Variants in VPS13B observed in about 807,000 individuals in gnomAD.
VPS13B encodes intermembrane lipid transfer protein VPS13B.
A neutral mutation model predicts 426.4 loss-of-function variants in VPS13B; 285 were observed. The ratio of observed to expected loss-of-function variants is 0.67; its 90% confidence interval spans 0.61 to 0.74. The LOEUF is 0.74. Among genes scored for constraint, VPS13B ranks in the 30% least tolerant of loss-of-function variants. The pLI is 0.00. For missense variants in VPS13B, 4,537 were observed against 4,782.6 expected (o/e 0.95, Z 1.51); for synonymous variants, 1,676 against 1,676.4 (o/e 1.00, Z 0.01).
At chr8:99,509,359 T>C (rs1821664899) in intron 28 of VPS13B, among the ~76,000 whole-genome samples, 3 of 152,220 alleles carry the variant, frequency 2.0e-5, no homozygotes, top group African/African-American at 7.2e-5. Context: ...CAGGCTATTA[T>C]TGGGAAAGAT....
At chr8:99,759,184 G>C (rs773795970) in intron 39 of VPS13B, among the ~76,000 whole-genome samples, 1 of 151,904 alleles carries the variant, frequency 6.6e-6, no homozygotes, top group Non-Finnish European at 1.5e-5. Context: ...ATATCTCTAG[G>C]AATCTTTTCC....
chr8:99,562,307 G>C (rs978734269), intron 31 of VPS13B, among the ~76,000 whole-genome samples: 1 of 149,494 alleles, frequency 6.7e-6, no homozygotes, highest in Non-Finnish European at 1.5e-5. Flanking sequence ...TTGAGACAGA[G>C]TCTTGCTTTG....
At chr8:99,476,982 G>A (rs1219682462) in intron 24 of VPS13B, among the ~76,000 whole-genome samples, 1 of 152,064 alleles carries the variant, frequency 6.6e-6, no homozygotes, top group Non-Finnish European at 1.5e-5. Context: ...TTATTTTCCA[G>A]TGAATTTGCT....
intron 33 of VPS13B, among the ~76,000 whole-genome samples, chr8:99,619,737 G>A (rs1380163627): frequency 2.0e-5 from 3 of 152,036 alleles, no homozygotes; most frequent in Non-Finnish European, 4.4e-5. Flanking sequence ...CGGGTGTGGT[G>A]GTGGATGCCT....
At chr8:99,083,051 G>C (rs1214201803) in intron 3 of VPS13B, among the ~76,000 whole-genome samples, 1 of 152,108 alleles carries the variant, frequency 6.6e-6, no homozygotes, top group African/African-American at 2.4e-5. Flanking sequence ...ATTACCTTGG[G>C]CAGTATGGCC....
At position 99,832,783 on chromosome 8, in the gene VPS13B, T is replaced by G. The variant is rs1815153666; in HGVS notation, c.9614+131T>G. 1.9e-5 allele frequency: 17 copies of G among 905,420 alleles called. No homozygotes were observed. The South Asian group carries it at 2.3e-4, about 12-fold the overall frequency. The allele number at this position is 905,420 out of a possible 1,614,324, so 56.1% of individuals were successfully genotyped here. A position where few individuals can be genotyped will look rare whatever the true frequency, so the allele number is the denominator to read the frequency against. ...ATTAGGCTTTATTTTTAATTACTTC[T>G]AGACATTGTATACAGTGGGTCAAGT... is the stretch of plus-strand genomic sequence containing the variant. On this transcript the variant is annotated intron_variant, in intron 52 of 61. Transcript: ENST00000357162.
chr8:99,558,768 C>T (rs892857010), intron 31 of VPS13B, among the ~76,000 whole-genome samples: 12 of 152,138 alleles, frequency 7.9e-5, no homozygotes, highest in Admixed American at 5.2e-4. Context: ...CATAGTATTC[C>T]GTGGGGTATA....
intron 20 of VPS13B, among the ~76,000 whole-genome samples, chr8:99,389,393 G>A (rs528462267): frequency 6.6e-6 from 1 of 152,044 alleles, no homozygotes; most frequent in Admixed American, 6.6e-5. Context: ...CAAGGGCTAG[G>A]GACACCAACT....
At chr8:99,086,398 G>T (rs1467407562) in intron 3 of VPS13B, among the ~76,000 whole-genome samples, 1 of 152,040 alleles carries the variant, frequency 6.6e-6, no homozygotes, top group Non-Finnish European at 1.5e-5. Flanking sequence ...TGTGCCATTG[G>T]TTCGAACTTC....
chr8:99,078,788 T>C (rs967204863), intron 3 of VPS13B, among the ~76,000 whole-genome samples: 1 of 151,582 alleles, frequency 6.6e-6, no homozygotes, highest in African/African-American at 2.4e-5. Context: ...CCAGCAGTGG[T>C]GTTGGGCTGG....
At chr8:99,290,959 T>C (rs28713683) in intron 19 of VPS13B, among the ~76,000 whole-genome samples, 6 of 152,134 alleles carry the variant, frequency 3.9e-5, no homozygotes, top group Non-Finnish European at 8.8e-5. Context: ...AAAGTCATTT[T>C]AAAGGGTTTG....
intron 3 of VPS13B, among the ~76,000 whole-genome samples, chr8:99,058,137 T>C (rs1843981625): frequency 6.6e-6 from 1 of 152,114 alleles, no homozygotes; most frequent in Non-Finnish European, 1.5e-5. Flanking sequence ...TAAGACATGA[T>C]TCATGATTTA....
At chr8:99,032,159 C>T (rs962228643) in intron 2 of VPS13B, among the ~76,000 whole-genome samples, 5 of 152,212 alleles carry the variant, frequency 3.3e-5, no homozygotes, top group Non-Finnish European at 7.3e-5. Flanking sequence ...CAGGTGCTCT[C>T]CTTTCCCCTT....
intron 21 of VPS13B, among the ~76,000 whole-genome samples, chr8:99,423,062 T>G (rs1816463687): frequency 6.6e-6 from 1 of 152,196 alleles, no homozygotes; most frequent in Non-Finnish European, 1.5e-5. Flanking sequence ...AGCTGTTTCT[T>G]TTTTGATGGA....
At chr8:99,827,755 T>C (rs769538842) in intron 51 of VPS13B, among the ~76,000 whole-genome samples, 1 of 152,212 alleles carries the variant, frequency 6.6e-6, no homozygotes, top group Non-Finnish European at 1.5e-5. Flanking sequence ...CTGCTTTAGC[T>C]GTGTCTCAGA....
chr8:99,113,970 T>C (rs545127858), intron 6 of VPS13B, among the ~76,000 whole-genome samples: 9 of 152,224 alleles, frequency 5.9e-5, no homozygotes, highest in African/African-American at 2.2e-4. Flanking sequence ...ACATACGTTC[T>C]GGTGATTATG....
rs1816439409 is a variant in VPS13B at position 99,854,276 on chromosome 8, G to C, written c.10867+20G>C. On this transcript the variant is annotated intron_variant, in intron 56 of 61. Transcript: ENST00000357162. ...GAGCAGGTAAGAACACAAGCTGAGG[G>C]TCTGTGATGAGCTAGAGCCCGGGTA... The C allele has an allele frequency of 6.2e-7, 1 of 1,610,504 alleles. No individual in the cohort carries two copies. The highest frequency in any genetic ancestry group is 1.1e-5 in the South Asian group (1 of 90,262).
At chr8:99,681,683 A>G (rs188576445) in intron 35 of VPS13B, among the ~76,000 whole-genome samples, 5 of 152,250 alleles carry the variant, frequency 3.3e-5, no homozygotes, top group African/African-American at 4.8e-5. Flanking sequence ...ATAAATAAAT[A>G]AGTTAACATA....
intron 25 of VPS13B, among the ~76,000 whole-genome samples, chr8:99,483,895 G>A (rs1820170173): frequency 6.6e-6 from 1 of 152,108 alleles, no homozygotes; most frequent in Admixed American, 6.5e-5. Flanking sequence ...CTACACTCTA[G>A]CATTGTGCAG....
Sources: gnomAD v4.1 joint callset for allele counts (sites outside exome capture counted in the v4.1 genomes callset) on GRCh38, gnomAD v4.1.1 for gene constraint, MANE v1.5 for transcripts, NCBI Gene and HGNC (gene_info 2026-07-23, HGNC 2026-07-21) for gene names.